Variants in ARMH4 observed in about 807,000 individuals in gnomAD.
The protein encoded by ARMH4 is armadillo-like helical domain-containing protein 4.
ARMH4 carries 49 observed loss-of-function variants against 61.9 expected under a neutral mutation model. The ratio of observed to expected loss-of-function variants is 0.79; its 90% CI spans 0.63 to 1.00. The LOEUF (loss-of-function observed/expected upper bound fraction) is 1.00, where lower values mean the gene tolerates loss of function less well. ARMH4 is among the 50% of genes least tolerant of loss of function. ARMH4 has a pLI of 0.00. For synonymous variants in ARMH4, 368 were observed against 341.5 expected, an observed-to-expected ratio of 1.08 and a Z score of -0.85; for missense variants, 934 against 930.0, an observed-to-expected ratio of 1.00 and a Z score of -0.06.
At chr14:58,126,645 C>T (rs780802554) in intron 4 of ARMH4, among the ~76,000 whole-genome samples, 33 of 151,992 alleles carry the variant, frequency 2.2e-4, no homozygotes, top group Middle Eastern at 3.4e-3. Flanking sequence ...ATGTCAAAAA[C>T]GCAATCATTT....
rs1469692985 is a variant in ARMH4, at chr14:58,038,771, A to G, written c.2090-26621T>C. 4.6e-5 allele frequency among the ~76,000 whole-genome samples: 7 copies of G among 152,316 alleles called. No individual in the cohort carries two copies. The East Asian group carries it at 9.6e-4, about 21-fold the overall frequency. ...ATAATGTGATATGAAATTATCTGTA[A>G]TATTTATTGGTGACAAAGACACATA... On this transcript the variant is annotated intron_variant, in intron 5 of 7. Coordinates refer to ENST00000267485, the MANE Select transcript of ARMH4 (RefSeq NM_001001872.4).
intron 5 of ARMH4, among the ~76,000 whole-genome samples, chr14:58,073,562 C>A (rs1250294112): frequency 2.0e-5 from 3 of 152,110 alleles, no homozygotes; most frequent in African/African-American, 4.8e-5. Flanking sequence ...AAGCTCCTCA[C>A]TTAATCAGAA....
At chr14:58,012,967 A>C (rs1017959909) in intron 5 of ARMH4, among the ~76,000 whole-genome samples, 4 of 152,260 alleles carry the variant, frequency 2.6e-5, no homozygotes, top group Admixed American at 2.0e-4. Context: ...CAAAGTCATA[A>C]TAATGTTTCA....
At chr14:58,045,043 AGACAGTATGGC>A (rs1201444552) in intron 5 of ARMH4, among the ~76,000 whole-genome samples, 6 of 152,238 alleles carry the variant, frequency 3.9e-5, no homozygotes, top group African/African-American at 1.4e-4. Flanking sequence ...CCATTGTGGA[AGACAGTATGGC>A]GATTCCTCAG....
chr14:58,104,774 CCAATGACTAATGAGTACTTGG>C (rs1269652373), intron 4 of ARMH4, among the ~76,000 whole-genome samples: 1 of 152,194 alleles, frequency 6.6e-6, no homozygotes, highest in East Asian at 1.9e-4. Flanking sequence ...TGGTATATCA[CCAATGACTAATGAGTACTTGG>C]CAATCAACAG....
chr14:58,083,556 C>T (rs1407064608), intron 5 of ARMH4, among the ~76,000 whole-genome samples: 4 of 152,202 alleles, frequency 2.6e-5, no homozygotes, highest in Admixed American at 2.0e-4. Context: ...GCACTCCAGC[C>T]TGGGCGACAG....
At chr14:58,120,652 G>A (rs1029087615) in intron 4 of ARMH4, among the ~76,000 whole-genome samples, 18 of 152,120 alleles carry the variant, frequency 1.2e-4, no homozygotes, top group Admixed American at 5.2e-4. Context: ...TGACAGAAAG[G>A]GAATGTTCAG....
At chr14:58,140,445 G>A (rs1165967301) in intron 1 of ARMH4, among the ~76,000 whole-genome samples, 5 of 151,208 alleles carry the variant, frequency 3.3e-5, no homozygotes, top group Non-Finnish European at 4.4e-5. Flanking sequence ...GCCAGGCATG[G>A]TGGCACACAT....
At chr14:58,086,937 A>G (rs1885404561) in intron 5 of ARMH4, among the ~76,000 whole-genome samples, 1 of 152,182 alleles carries the variant, frequency 6.6e-6, no homozygotes, top group South Asian at 2.1e-4. Flanking sequence ...GGAATGTTTG[A>G]TACATGTTCT....
intron 4 of ARMH4, among the ~76,000 whole-genome samples, chr14:58,097,349 G>T (rs535311289): frequency 6.6e-6 from 1 of 152,198 alleles, no homozygotes; most frequent in East Asian, 1.9e-4. Flanking sequence ...AATACTAACA[G>T]AACTTAAAAG....
chr14:58,098,306 A>C (rs1594755333), intron 4 of ARMH4, among the ~76,000 whole-genome samples: 2 of 152,268 alleles, frequency 1.3e-5, no homozygotes, highest in South Asian at 2.1e-4. Flanking sequence ...AATGTCTGTC[A>C]CTATTCTAAA....
rs777214217 is a variant in ARMH4, at chr14:58,005,155, G to T, written c.2149C>A (p.Pro717Thr). The change falls in exon 7 of 8, where the codon CCT becomes ACT. Residue 717 changes from proline (P) to threonine (T), a missense_variant. By Grantham distance (38) the Pro-to-Thr change is conservative. Coordinates refer to ENST00000267485, the MANE Select transcript of ARMH4 (RefSeq NM_001001872.4). ...GCTCCAGCTATCCCAACCCCTACAG[G>T]CACCAGCATCCCAGACATGTAACCA... ...KAGYMSGMLV[P>T]VGVGIAGALF... 6 of 1,613,876 alleles carry T rather than the reference G, an allele frequency of 3.7e-6. No homozygotes were observed. Among genetic ancestry groups the T allele is most frequent in the Non-Finnish European group, 3.4e-6 (4 of 1,179,896 alleles).
At chr14:58,087,537 A>C (rs1269803235) in intron 5 of ARMH4, among the ~76,000 whole-genome samples, 1 of 152,182 alleles carries the variant, frequency 6.6e-6, no homozygotes, top group East Asian at 1.9e-4. Flanking sequence ...CATTTTCTCA[A>C]AAGAAAATTT....
intron 5 of ARMH4, among the ~76,000 whole-genome samples, chr14:58,025,821 C>T (rs540446800): frequency 6.6e-6 from 1 of 152,170 alleles, no homozygotes; most frequent in East Asian, 1.9e-4. Context: ...CACGTAATTA[C>T]AGAACAGCAA....
chr14:58,144,112 T>A (rs953122438), intron 1 of ARMH4, among the ~76,000 whole-genome samples: 5 of 152,128 alleles, frequency 3.3e-5, no homozygotes, highest in Admixed American at 6.5e-5. Context: ...GGCAAAGATA[T>A]TTGATAAAGA....
At chr14:58,049,434 A>T (rs1884062451) in intron 5 of ARMH4, among the ~76,000 whole-genome samples, 1 of 152,142 alleles carries the variant, frequency 6.6e-6, no homozygotes, top group Non-Finnish European at 1.5e-5. Context: ...TCAGCACCAA[A>T]AGTAACATGT....
At chr14:58,060,808 A>G (rs1884504722) in intron 5 of ARMH4, among the ~76,000 whole-genome samples, 1 of 152,200 alleles carries the variant, frequency 6.6e-6, no homozygotes, top group Non-Finnish European at 1.5e-5. Flanking sequence ...GTGTATGTAC[A>G]GCAAATGCAC....
intron 4 of ARMH4, among the ~76,000 whole-genome samples, chr14:58,124,779 G>C (rs962492862): frequency 6.6e-6 from 1 of 152,154 alleles, no homozygotes; most frequent in African/African-American, 2.4e-5. Context: ...GTAGAAAAGG[G>C]ACTTTGAAAA....
intron 1 of ARMH4, among the ~76,000 whole-genome samples, chr14:58,148,789 A>G (rs557419446): frequency 7.2e-5 from 11 of 152,156 alleles, no homozygotes; most frequent in Admixed American, 3.9e-4. Context: ...TCACTCTAAC[A>G]ATAACAATAA....
Sources: gnomAD v4.1 joint callset for allele counts (sites outside exome capture counted in the v4.1 genomes callset) on GRCh38, gnomAD v4.1.1 for gene constraint, MANE v1.5 for transcripts, NCBI Gene and HGNC (gene_info 2026-07-23, HGNC 2026-07-21) for gene names.